BRMS1L: variants seen among roughly 807,000 people sequenced by gnomAD.
BRMS1L encodes breast cancer metastasis-suppressor 1-like protein.
Under a neutral mutation model 50.3 loss-of-function variants are expected in BRMS1L, and 23 were observed. The ratio of observed to expected loss-of-function variants is 0.46; its 90% CI spans 0.33 to 0.65. The LOEUF (loss-of-function observed/expected upper bound fraction) is 0.65, where lower values mean the gene tolerates loss of function less well. Ranked by LOEUF, BRMS1L falls within the 30% of genes least tolerant of loss-of-function variation. The pLI is 0.02. For missense variants in BRMS1L, 286 were observed against 386.1 expected (o/e 0.74, Z 2.17); for synonymous variants, 114 against 126.9 (o/e 0.90, Z 0.69).
intron 4 of BRMS1L, among the ~76,000 whole-genome samples, chr14:35,859,237 C>G (rs1363787340): frequency 1.3e-5 from 2 of 152,118 alleles, no homozygotes; most frequent in Non-Finnish European, 2.9e-5. Context: ...AGCCACCGTG[C>G]CTGGCCCATC....
chr14:35,862,724 C>G (rs371025246), intron 5 of BRMS1L, 38 bp downstream of exon 5: 66 of 1,473,326 alleles, frequency 4.5e-5, no homozygotes, highest in Non-Finnish European at 5.9e-5. Context: ...TTGAGTGGCA[C>G]CAGACCTTTG....
At chr14:35,844,183 G>A (rs923772332) in intron 4 of BRMS1L, among the ~76,000 whole-genome samples, 36 of 152,204 alleles carry the variant, frequency 2.4e-4, no homozygotes, top group African/African-American at 7.7e-4. Flanking sequence ...GCCTCTTTTC[G>A]AGGGAAGTAA....
chr14:35,856,675 G>A (rs576321250), intron 4 of BRMS1L, among the ~76,000 whole-genome samples: 245 of 151,926 alleles, frequency 1.6e-3, no homozygotes, highest in African/African-American at 5.5e-3. Context: ...GTAGTGGCGC[G>A]ATCTTAGCTC....
chr14:35,869,831 G>A (rs1054100436), intron 9 of BRMS1L, among the ~76,000 whole-genome samples: 2 of 151,838 alleles, frequency 1.3e-5, no homozygotes, highest in Non-Finnish European at 2.9e-5. Flanking sequence ...CGGCGACAGA[G>A]TGAGACTCTG....
intron 1 of BRMS1L, 137 bp downstream of exon 1, chr14:35,826,795 C>G: frequency 1.6e-6 from 2 of 1,287,024 alleles, no homozygotes; most frequent in Non-Finnish European, 2.1e-6. Flanking sequence ...GCTCTGGGCC[C>G]TGGGCTGCAC....
intron 4 of BRMS1L, among the ~76,000 whole-genome samples, chr14:35,855,104 C>T (rs1439319670): frequency 1.3e-5 from 2 of 152,182 alleles, no homozygotes; most frequent in African/African-American, 4.8e-5. Flanking sequence ...CTGCTTAGAC[C>T]CAGGACCTTT....
chr14:35,835,528 G>A (rs755819953), intron 4 of BRMS1L, among the ~76,000 whole-genome samples: 14 of 152,064 alleles, frequency 9.2e-5, no homozygotes, highest in Non-Finnish European at 1.8e-4. Context: ...GCATAAATGG[G>A]TTAAAATATT....
intron 4 of BRMS1L, among the ~76,000 whole-genome samples, chr14:35,858,204 T>C (rs2078306485): frequency 6.6e-6 from 1 of 152,232 alleles, no homozygotes; most frequent in African/African-American, 2.4e-5. Flanking sequence ...GTCCTAACGC[T>C]GTTTTCTCTG....
intron 8 of BRMS1L, among the ~76,000 whole-genome samples, chr14:35,866,713 T>C (rs61989615): frequency 8.5e-5 from 13 of 152,050 alleles, no homozygotes; most frequent in Non-Finnish European, 1.9e-4. Flanking sequence ...AAAAAAAAAT[T>C]GCATTTTATT....
intron 4 of BRMS1L, among the ~76,000 whole-genome samples, chr14:35,850,898 AT>A (rs980941062): frequency 6.6e-6 from 1 of 152,170 alleles, no homozygotes; most frequent in African/African-American, 2.4e-5. Flanking sequence ...CCAAAACGTC[AT>A]TTAGTTTTGT....
intron 4 of BRMS1L, among the ~76,000 whole-genome samples, chr14:35,846,978 A>AC (rs911138205): frequency 2.6e-5 from 4 of 151,878 alleles, no homozygotes; most frequent in Non-Finnish European, 5.9e-5. Context: ...TTTAAAAAAA[A>AC]ACACAAAAAA....
At chr14:35,838,462 A>G (rs2078020528) in intron 4 of BRMS1L, among the ~76,000 whole-genome samples, 2 of 152,192 alleles carry the variant, frequency 1.3e-5, no homozygotes, top group South Asian at 2.1e-4. Flanking sequence ...GTCTTCTACA[A>G]TGTTTGAACT....
intron 4 of BRMS1L, among the ~76,000 whole-genome samples, chr14:35,837,433 A>G (rs1180406239): frequency 6.6e-6 from 1 of 151,930 alleles, no homozygotes; most frequent in Admixed American, 6.6e-5. Flanking sequence ...CATTTATTCC[A>G]TATGTTTCAT....
intron 4 of BRMS1L, among the ~76,000 whole-genome samples, chr14:35,859,175 C>T (rs775595307): frequency 1.1e-4 from 17 of 152,172 alleles, no homozygotes; most frequent in Middle Eastern, 3.4e-3. Flanking sequence ...AACTTGTGAC[C>T]TCAAGTGATC....
Position 35,865,970 on chromosome 14 carries a change from C to T in BRMS1L, c.727+209C>T, listed in dbSNP as rs560861736. On this transcript the variant is annotated intron_variant, in intron 8 of 9. Coordinates refer to ENST00000216807, the MANE Select transcript of BRMS1L (RefSeq NM_032352.4). Reference sequence around the variant, plus strand: ...GTGGTATAATTATTTCAGTGTTCAGCTACATTCTTATTGCTAATAATGGAT... The same window carrying T: ...GTGGTATAATTATTTCAGTGTTCAGTTACATTCTTATTGCTAATAATGGAT... 34 of 520,140 alleles carry T rather than the reference C, an allele frequency of 6.5e-5. No homozygotes were observed. The South Asian group carries it at 1.1e-3, about 16-fold the overall frequency. The allele number at this position is 520,140 out of a possible 1,614,324, so 32.2% of individuals were successfully genotyped here.
At chr14:35,860,398 A>C (rs568705783) in intron 4 of BRMS1L, among the ~76,000 whole-genome samples, 59 of 152,214 alleles carry the variant, frequency 3.9e-4, no homozygotes, top group Non-Finnish European at 7.2e-4. Context: ...TCAGCCTCCC[A>C]AAGTGCTAGG....
chr14:35,841,376 GCA>G (rs1400044200), intron 4 of BRMS1L, among the ~76,000 whole-genome samples: 1 of 151,620 alleles, frequency 6.6e-6, no homozygotes, highest in Non-Finnish European at 1.5e-5. Flanking sequence ...TCGGCTCACT[GCA>G]AGCTCTGCCT....
Position 35,863,905 on chromosome 14 carries a change from A to G in BRMS1L, c.574A>G (p.Arg192Gly), listed in dbSNP as rs372105547. ...WNDELQSRKK[R>G]KDPFSPDKKK... ...TGATGAGCTTCAGTCAAGAAAAAAG[A>G]GGAAGGATCCTTTCAGTCCTGACAA... The change falls in exon 6 of 10, where the codon AGG becomes GGG. Residue 192 changes from arginine (R) to glycine (G), a missense_variant. Coordinates refer to ENST00000216807, the MANE Select transcript of BRMS1L (RefSeq NM_032352.4). 1 of 1,614,062 alleles carries G rather than the reference A, an allele frequency of 6.2e-7. No individual in the cohort carries two copies. The highest frequency in any genetic ancestry group is 8.5e-7 in the Non-Finnish European group (1 of 1,179,966).
intron 4 of BRMS1L, 45 bp from the exon 5 acceptor site, chr14:35,862,545 C>G: frequency 7.4e-7 from 1 of 1,360,352 alleles, no homozygotes. Flanking sequence ...TAAGATACAC[C>G]AATTTTTTTC....
Sources: allele counts gnomAD v4.1 joint callset (sites outside exome capture counted in the v4.1 genomes callset), GRCh38; gene constraint gnomAD v4.1.1; transcripts MANE v1.5; gene names NCBI Gene and HGNC (gene_info 2026-07-23, HGNC 2026-07-21).